Variants in ACCS observed in about 807,000 individuals in gnomAD.
ACCS encodes 1-aminocyclopropane-1-carboxylate synthase homolog (inactive), also known as 1-aminocyclopropane-1-carboxylate synthase-like protein 1.
ACCS carries 42 observed loss-of-function variants against 59.8 expected under a neutral mutation model. That is an observed-to-expected ratio of 0.70 (90% CI 0.55 to 0.91). The LOEUF is 0.91. ACCS is among the 40% of genes least tolerant of loss of function. The pLI, the probability that ACCS is intolerant of heterozygous loss-of-function variation, is 0.00. For missense variants in ACCS, 602 were observed against 630.4 expected (o/e 0.95, Z 0.48); for synonymous variants, 230 against 240.3 (o/e 0.96, Z 0.40).
chr11:44,083,454 A>G lies in ACCS; in HGVS notation c.1285A>G (p.Met429Val). The G allele has an allele frequency of 6.2e-7, 1 of 1,614,192 alleles. No individual in the cohort carries two copies. The highest frequency in any genetic ancestry group is 8.5e-7 in the Non-Finnish European group (1 of 1,180,026). ...YLPKGTFEEE[M>V]LLWRRFLDNK... The stretch of plus-strand genomic sequence containing the variant: ...GCCCAAGGGCACCTTTGAGGAGGAA[A>G]TGCTGCTCTGGCGCCGCTTTTTGGA... Residue 429 changes from methionine to valine, a missense_variant, in exon 14 of 15, where the codon ATG becomes GTG. Transcript: ENST00000263776.
chr11:44,083,036 C>A, intron 12 of ACCS, 133 bp from the exon 13 acceptor site: 1 of 1,212,974 alleles, frequency 8.2e-7, no homozygotes, highest in Non-Finnish European at 1.2e-6. Flanking sequence ...CTTCCCACCA[C>A]AGCAGCCAGC....
At chr11:44,078,582 T>C (rs991485439) in intron 8 of ACCS, 102 bp from the exon 9 acceptor site, 54 of 923,310 alleles carry the variant, frequency 5.8e-5, no homozygotes, top group Non-Finnish European at 8.9e-5. Context: ...CATGTCCCCC[T>C]CAAATCTCCC....
intron 13 of ACCS, 43 bp downstream of exon 13, chr11:44,083,354 T>C (rs1953725877): frequency 6.2e-7 from 1 of 1,612,490 alleles, no homozygotes; most frequent in South Asian, 1.1e-5. Flanking sequence ...GTTTCAGGTC[T>C]CCCTCCAGCA....
At chr11:44,074,570 G>A (rs1953216708) in intron 4 of ACCS, 42 bp from the exon 5 acceptor site, 7 of 1,526,354 alleles carry the variant, frequency 4.6e-6, no homozygotes, top group Non-Finnish European at 6.4e-6. Flanking sequence ...ACCGTGGGTT[G>A]GGGACCATCT....
At chr11:44,067,373 C>T (rs1952837862) in intron 1 of ACCS, 1 of 414,612 alleles carries the variant, frequency 2.4e-6, no homozygotes, top group Non-Finnish European at 4.3e-6. Context: ...GTAGAACACG[C>T]TAAAGCAGCA....
At position 44,081,005 on chromosome 11, in the gene ACCS, C is replaced by T; in HGVS notation, c.924-15C>T. On this transcript the variant is annotated splice_polypyrimidine_tract_variant and intron_variant, in intron 10 of 14. Coordinates refer to ENST00000263776, the MANE Select transcript of ACCS (RefSeq NM_032592.4). ...GTTCTGTGTTGCCTCTGTTCCCATGCTGTGCTCTCTGCAGGCTCCCTGACC... is the reference window on the plus strand; with the variant it reads ...GTTCTGTGTTGCCTCTGTTCCCATGTTGTGCTCTCTGCAGGCTCCCTGACC... 1 of 1,614,180 alleles carries T rather than the reference C, an allele frequency of 6.2e-7. No individual in the cohort carries two copies. The highest frequency in any genetic ancestry group is 8.5e-7 in the Non-Finnish European group (1 of 1,180,026).
At chr11:44,078,579 C>T in intron 8 of ACCS, 105 bp from the exon 9 acceptor site, 1 of 820,970 alleles carries the variant, frequency 1.2e-6, no homozygotes, top group Non-Finnish European at 2.0e-6. Context: ...GAACATGTCC[C>T]CCTCAAATCT....
At chr11:44,078,025 C>A in intron 8 of ACCS, 103 bp downstream of exon 8, 3 of 1,404,534 alleles carry the variant, frequency 2.1e-6, no homozygotes, top group Admixed American at 2.5e-5. Context: ...AGGGTTGATA[C>A]CCGGTGATTG....
intron 8 of ACCS, 128 bp downstream of exon 8, chr11:44,078,050 G>T: frequency 8.2e-7 from 1 of 1,221,106 alleles, no homozygotes. Flanking sequence ...AGACAGGTAG[G>T]GTGGTAGCAC....
intron 12 of ACCS, among the ~76,000 whole-genome samples, chr11:44,082,911 G>A (rs915438750): frequency 2.0e-5 from 3 of 152,050 alleles, no homozygotes; most frequent in African/African-American, 7.2e-5. Flanking sequence ...TATCCTGGGG[G>A]ACTTTGCGCT....
chr11:44,074,474 G>A (rs1953211882), intron 4 of ACCS, 138 bp from the exon 5 acceptor site: 2 of 711,136 alleles, frequency 2.8e-6, no homozygotes, highest in Non-Finnish European at 5.1e-6. Context: ...AAGGAGTGGA[G>A]ACAGATACAC....
intron 2 of ACCS, among the ~76,000 whole-genome samples, chr11:44,069,033 G>C (rs1952920403): frequency 6.6e-6 from 1 of 152,120 alleles, no homozygotes; most frequent in African/African-American, 2.4e-5. Context: ...AGTAGAAGGA[G>C]GTCACAGAAG....
Position 44,083,837 on chromosome 11 carries a change from A to G in ACCS, c.*45A>G. 1 of 1,558,264 alleles carries G rather than the reference A, an allele frequency of 6.4e-7. No homozygotes were observed. The highest frequency in any genetic ancestry group is 8.7e-7 in the Non-Finnish European group (1 of 1,151,462). On this transcript the variant is annotated 3_prime_UTR_variant, in exon 15 of 15. Coordinates refer to ENST00000263776, the MANE Select transcript of ACCS (RefSeq NM_032592.4). Reference sequence around the variant, plus strand: ...CCAGAGGGCCCAGCAGCCACTGTGGACCTGGGGCGTTCTGGGGCTGCAGAA... The same window carrying G: ...CCAGAGGGCCCAGCAGCCACTGTGGGCCTGGGGCGTTCTGGGGCTGCAGAA...
At chr11:44,077,582 A>C (rs1953434624) in intron 7 of ACCS, 3 of 1,437,870 alleles carry the variant, frequency 2.1e-6, no homozygotes, top group Admixed American at 5.7e-5. Context: ...GTTGATGTAG[A>C]AGCCAAGAGC....
At chr11:44,081,370 G>C in intron 12 of ACCS, 50 bp downstream of exon 12, 1 of 1,603,182 alleles carries the variant, frequency 6.2e-7, no homozygotes, top group Non-Finnish European at 8.5e-7. Flanking sequence ...GTTGGAGGCA[G>C]CCTGGGAACA....
Position 44,083,793 on chromosome 11 carries a change from G to A in ACCS, c.*1G>A. ...GGAGCCAAGTGACCAACGCAGGTGA[G>A]CTGGTCATTGTCTCGTGGCCAGAGG... On this transcript the variant is annotated 3_prime_UTR_variant, in exon 15 of 15. Transcript: ENST00000263776. The A allele has an allele frequency of 1.2e-6, 2 of 1,605,142 alleles. No individual in the cohort carries two copies. The highest frequency in any genetic ancestry group is 8.5e-7 in the Non-Finnish European group (1 of 1,175,714).
rs1565179027 is a variant in ACCS at position 44,077,362 on chromosome 11, T to C, written c.640T>C (p.Tyr214His). The change falls in exon 7 of 15, where the codon TAC becomes CAC. Residue 214 changes from tyrosine to histidine, a missense_variant. Physicochemically the swap from Tyr to His is moderately conservative, Grantham distance 83. Transcript: ENST00000263776. The stretch of plus-strand genomic sequence containing the variant: ...TGGCAACATCCGGCTGGCCTATGTC[T>C]ACCTGGACAGTGAGGTAAGAGTCTT... ...LYGNIRLAYV[Y>H]LDSEVTGLDT... The C allele has an allele frequency of 1.2e-6, 2 of 1,614,158 alleles. No individual in the cohort carries two copies. The highest frequency in any genetic ancestry group is 1.7e-6 in the Non-Finnish European group (2 of 1,179,988).
At chr11:44,072,661 G>C (rs1408497756) in intron 3 of ACCS, among the ~76,000 whole-genome samples, 1 of 152,058 alleles carries the variant, frequency 6.6e-6, no homozygotes, top group Non-Finnish European at 1.5e-5. Context: ...CATGTCATCA[G>C]TACAAAAATT....
At chr11:44,067,408 GC>G in intron 1 of ACCS, 1 of 507,714 alleles carries the variant, frequency 2.0e-6, no homozygotes, top group Non-Finnish European at 3.4e-6. Context: ...CGTCAATGTG[GC>G]AAGTGCAGTC....
Sources: gnomAD v4.1 joint callset for allele counts (sites outside exome capture counted in the v4.1 genomes callset) on GRCh38, gnomAD v4.1.1 for gene constraint, MANE v1.5 for transcripts, NCBI Gene and HGNC (gene_info 2026-07-23, HGNC 2026-07-21) for gene names.